Variants in KLF12 observed in about 807,000 individuals in gnomAD.
The protein encoded by KLF12 is KLF transcription factor 12, also known as Krueppel-like factor 12.
KLF12 carries 9 observed loss-of-function variants against 37.8 expected under a neutral mutation model. The ratio of observed to expected loss-of-function variants is 0.24; its 90% CI spans 0.14 to 0.42. KLF12 has a LOEUF of 0.42. Among genes scored for constraint, KLF12 ranks in the 10% least tolerant of loss-of-function variants. The probability of loss-of-function intolerance (pLI) is 1.00; values close to 1 mark genes in which losing one functional copy is unlikely to be tolerated. For synonymous variants in KLF12, 208 were observed against 202.1 expected, an observed-to-expected ratio of 1.03 and a Z score of -0.25; for missense variants, 411 against 516.0, an observed-to-expected ratio of 0.80 and a Z score of 1.97.
intron 3 of KLF12, among the ~76,000 whole-genome samples, chr13:73,913,040 G>GC (rs1002288310): frequency 2.0e-5 from 3 of 152,060 alleles, no homozygotes; most frequent in African/African-American, 7.2e-5. Flanking sequence ...GTGCTGAGCT[G>GC]TTTTCCCCAA....
In KLF12 at chr13:73,902,435, C is replaced by T. The variant is rs563389492; in HGVS notation, c.123+41546G>A. ...ATGGGAGGAAGTGGCATTAGAATAT[C>T]ATTTCCATTTTTATAGAAGCGGATA... On this transcript the variant is annotated intron_variant, in intron 3 of 7. Transcript: ENST00000377669. Among the ~76,000 whole-genome samples the T allele has an allele frequency of 3.7e-4, 56 of 152,262 alleles. No individual in the cohort carries two copies. The South Asian group carries it at 0.011, about 30-fold the overall frequency.
intron 1 of KLF12, among the ~76,000 whole-genome samples, chr13:74,030,443 C>T (rs2138479333): frequency 6.6e-6 from 1 of 152,192 alleles, no homozygotes; most frequent in Middle Eastern, 3.4e-3. Context: ...TAGACATCAA[C>T]TTCTTTCATT....
the KLF12 span, among the ~76,000 whole-genome samples, chr13:74,297,818 A>G: frequency 5.3e-5 from 8 of 152,234 alleles, no homozygotes; most frequent in Non-Finnish European, 1.2e-4. Context: ...CCTTTGGACA[A>G]ACTTGAAATC....
chr13:74,173,383 C>T, the KLF12 span, among the ~76,000 whole-genome samples: 2 of 152,154 alleles, frequency 1.3e-5, no homozygotes, highest in Non-Finnish European at 2.9e-5. Context: ...TGCAGCTGGG[C>T]CACCTTTCCC....
At chr13:73,777,188 A>G (rs1041747522) in intron 5 of KLF12, among the ~76,000 whole-genome samples, 12 of 152,174 alleles carry the variant, frequency 7.9e-5, no homozygotes, top group African/African-American at 2.9e-4. Flanking sequence ...GCAGGCGTGG[A>G]GAGGCAGCCA....
At chr13:74,043,108 T>C (rs1311634909) in intron 1 of KLF12, among the ~76,000 whole-genome samples, 2 of 152,216 alleles carry the variant, frequency 1.3e-5, no homozygotes, top group Non-Finnish European at 2.9e-5. Flanking sequence ...CTTCATGAGA[T>C]ACTATGTTTT....
chr13:73,745,744 A>G (rs1207808129), intron 6 of KLF12, among the ~76,000 whole-genome samples: 2 of 152,202 alleles, frequency 1.3e-5, no homozygotes, highest in African/African-American at 4.8e-5. Flanking sequence ...ATTATTTCAG[A>G]TAACACCAAG....
intron 7 of KLF12, among the ~76,000 whole-genome samples, chr13:73,710,455 G>A (rs1875296968): frequency 6.6e-6 from 1 of 151,100 alleles, no homozygotes; most frequent in African/African-American, 2.4e-5. Context: ...CCTATGTCAG[G>A]CAAGTTTACT....
At chr13:74,241,286 AG>A in the KLF12 span, among the ~76,000 whole-genome samples, 2 of 152,148 alleles carry the variant, frequency 1.3e-5, no homozygotes, top group African/African-American at 4.8e-5. Flanking sequence ...CCACTTGAGG[AG>A]GCAGTCTGCC....
intron 1 of KLF12, among the ~76,000 whole-genome samples, chr13:74,104,639 A>G (rs770203280): frequency 1.3e-5 from 2 of 152,214 alleles, no homozygotes; most frequent in African/African-American, 2.4e-5. Context: ...TCCTGAGTCA[A>G]TAATGTTCTA....
intron 3 of KLF12, among the ~76,000 whole-genome samples, chr13:73,878,187 G>C (rs1886808170): frequency 2.0e-5 from 3 of 151,948 alleles, no homozygotes; most frequent in Non-Finnish European, 4.4e-5. Context: ...CCTGGTTTTG[G>C]AAAAGCATGA....
intron 4 of KLF12, among the ~76,000 whole-genome samples, chr13:73,820,285 A>G (rs910419934): frequency 6.6e-6 from 1 of 152,144 alleles, no homozygotes; most frequent in African/African-American, 2.4e-5. Context: ...GAATCAGTTA[A>G]AACTCAGGAC....
At chr13:74,142,580 C>G in the KLF12 span, among the ~76,000 whole-genome samples, 1 of 152,140 alleles carries the variant, frequency 6.6e-6, no homozygotes, top group East Asian at 1.9e-4. Context: ...CAAGGCTTGA[C>G]AAGAATTGTG....
chr13:74,203,710 G>A, the KLF12 span, among the ~76,000 whole-genome samples: 1 of 152,050 alleles, frequency 6.6e-6, no homozygotes, highest in South Asian at 2.1e-4. Context: ...TAGCCACAGG[G>A]CACAAGAAAT....
chr13:74,184,796 AATAT>A, the KLF12 span, among the ~76,000 whole-genome samples: 1 of 152,224 alleles, frequency 6.6e-6, no homozygotes, highest in South Asian at 2.1e-4. Flanking sequence ...AGTAGGCCAA[AATAT>A]ATAGAGAAAT....
At chr13:74,102,488 A>G (rs1377092297) in intron 1 of KLF12, among the ~76,000 whole-genome samples, 1 of 151,898 alleles carries the variant, frequency 6.6e-6, no homozygotes, top group Non-Finnish European at 1.5e-5. Context: ...ACCTGAGGGT[A>G]GGAGTTTGTG....
intron 1 of KLF12, among the ~76,000 whole-genome samples, chr13:74,025,400 G>A (rs574120162): frequency 1.5e-4 from 23 of 152,102 alleles, no homozygotes; most frequent in Non-Finnish European, 2.8e-4. Context: ...TATTTTCTAA[G>A]GGAAGAAGTC....
At chr13:73,951,914 T>G (rs1890662285) in intron 2 of KLF12, among the ~76,000 whole-genome samples, 1 of 152,210 alleles carries the variant, frequency 6.6e-6, no homozygotes, top group Non-Finnish European at 1.5e-5. Flanking sequence ...AGTACTCCTA[T>G]CCTAGCCTTG....
At chr13:74,010,066 G>C (rs1265414166) in intron 1 of KLF12, among the ~76,000 whole-genome samples, 1 of 151,380 alleles carries the variant, frequency 6.6e-6, no homozygotes, top group East Asian at 1.9e-4. Context: ...CCTCCCACTT[G>C]AGCCTCCCAA....
Sources: allele counts gnomAD v4.1 joint callset (sites outside exome capture counted in the v4.1 genomes callset), GRCh38; gene constraint gnomAD v4.1.1; transcripts MANE v1.5; gene names NCBI Gene and HGNC (gene_info 2026-07-23, HGNC 2026-07-21).